Variants in LEMD3 observed in about 807,000 individuals in gnomAD.
LEMD3 encodes the protein LEM domain containing 3.
LEMD3 carries 33 observed loss-of-function variants against 95.2 expected under a neutral mutation model. The ratio of observed to expected loss-of-function variants is 0.35; its 90% CI spans 0.26 to 0.46. The LOEUF is 0.46. Ranked by LOEUF, LEMD3 falls within the 20% of genes least tolerant of loss-of-function variation. The pLI is 1.00. For missense variants in LEMD3, 1,210 were observed against 1,192.8 expected (o/e 1.01, Z -0.21); for synonymous variants, 525 against 474.6 (o/e 1.11, Z -1.38).
intron 1 of LEMD3, among the ~76,000 whole-genome samples, chr12:65,205,502 T>C (rs529260391): frequency 1.3e-5 from 2 of 152,334 alleles, no homozygotes; most frequent in East Asian, 1.9e-4. Context: ...CAGTTTTCTT[T>C]ATAGTCTTAG....
At chr12:65,212,289 G>C (rs1438383429) in intron 2 of LEMD3, among the ~76,000 whole-genome samples, 2 of 152,196 alleles carry the variant, frequency 1.3e-5, no homozygotes, top group African/African-American at 4.8e-5. Flanking sequence ...TTCAAGGTAA[G>C]ATTTGGGTGG....
At chr12:65,177,693 T>A in intron 1 of LEMD3, among the ~76,000 whole-genome samples, 1 of 152,180 alleles carries the variant, frequency 6.6e-6, no homozygotes, top group Non-Finnish European at 1.5e-5. Context: ...CAAGACCAGT[T>A]GTTACAAAGA....
intron 4 of LEMD3, among the ~76,000 whole-genome samples, chr12:65,236,824 G>A (rs941229150): frequency 6.6e-6 from 1 of 151,982 alleles, no homozygotes; most frequent in East Asian, 1.9e-4. Context: ...AAAAAATAGG[G>A]TTTTTTCCAT....
At chr12:65,188,164 T>C (rs1869123684) in intron 1 of LEMD3, among the ~76,000 whole-genome samples, 1 of 151,962 alleles carries the variant, frequency 6.6e-6, no homozygotes, top group African/African-American at 2.4e-5. Context: ...CCAGTTTTTT[T>C]TCCCCCTCCA....
chr12:65,183,048 A>G (rs1226611047), intron 1 of LEMD3, among the ~76,000 whole-genome samples: 1 of 152,214 alleles, frequency 6.6e-6, no homozygotes, highest in Non-Finnish European at 1.5e-5. Flanking sequence ...TACGAAGCAC[A>G]TAATGAAATT....
intron 1 of LEMD3, among the ~76,000 whole-genome samples, chr12:65,192,979 G>A (rs1424163218): frequency 6.6e-6 from 1 of 152,158 alleles, no homozygotes; most frequent in Non-Finnish European, 1.5e-5. Flanking sequence ...GGTAGTCATC[G>A]TGAAAGCAAG....
Position 65,197,231 on chromosome 12 carries a change from T to C in LEMD3, c.1523-13695T>C, listed in dbSNP as rs181334708. Among the ~76,000 whole-genome samples the C allele has an allele frequency of 4.4e-3, 667 of 152,218 alleles. 7 individuals are homozygous for C. The highest frequency in any genetic ancestry group is 0.015 in the African/African-American group (637 of 41,550). On this transcript the variant is annotated intron_variant, in intron 1 of 12. Coordinates refer to ENST00000308330, the MANE Select transcript of LEMD3 (RefSeq NM_014319.5). ...GATTTGTTTTAATAGTAGTCATATT[T>C]CCCATCTCAAGGTGTGGCTGAAGCA...
chr12:65,170,858 C>T lies in LEMD3; in HGVS notation c.1262C>T (p.Ser421Leu). 1 of 1,614,184 alleles carries T rather than the reference C, an allele frequency of 6.2e-7. No homozygotes were observed. The highest frequency in any genetic ancestry group is 2.2e-5 in the East Asian group (1 of 44,884). ...AGTGCGGCGGTGGCCGCCTCTAGTT[C>T]ACTCAGGATCAATCACGCCAATCAT... ...PPSAAVAASSSLRINHANHTG... is the reference protein window; with the variant it reads ...PPSAAVAASSLLRINHANHTG... Residue 421 changes from serine (S) to leucine (L), a missense_variant, in exon 1 of 13, where the codon TCA (serine) becomes TTA (leucine). Around this residue, in one of 2 missense-constraint regions of LEMD3, gnomAD observed 749 missense variants for 622.9 expected, o/e 1.20. Coordinates refer to ENST00000308330, the MANE Select transcript of LEMD3 (RefSeq NM_014319.5).
At chr12:65,241,455 T>C (rs903316316) in intron 9 of LEMD3, among the ~76,000 whole-genome samples, 1 of 151,678 alleles carries the variant, frequency 6.6e-6, no homozygotes, top group Non-Finnish European at 1.5e-5. Context: ...TGTATATAAG[T>C]GAAGTCATAA....
chr12:65,210,779 C>A (rs1869913061), intron 1 of LEMD3, 147 bp from the exon 2 acceptor site: 1 of 748,718 alleles, frequency 1.3e-6, no homozygotes, highest in Non-Finnish European at 2.5e-6. Context: ...ACTTCCCTAA[C>A]CTTTATTATC....
At chr12:65,186,408 A>ATAT (rs1223618250) in intron 1 of LEMD3, among the ~76,000 whole-genome samples, 3 of 152,100 alleles carry the variant, frequency 2.0e-5, no homozygotes, top group African/African-American at 7.2e-5. Context: ...GCTATAAATT[A>ATAT]TATTAATGCC....
At chr12:65,217,414 C>G (rs896537269) in intron 3 of LEMD3, among the ~76,000 whole-genome samples, 1 of 152,160 alleles carries the variant, frequency 6.6e-6, no homozygotes, top group Non-Finnish European at 1.5e-5. Context: ...AATAAACTTT[C>G]AAGACTTGTT....
chr12:65,206,968 A>T (rs565271592), intron 1 of LEMD3, among the ~76,000 whole-genome samples: 9 of 152,134 alleles, frequency 5.9e-5, no homozygotes, highest in Non-Finnish European at 1.2e-4. Context: ...AGACATAAAT[A>T]GGTTTGAATC....
chr12:65,192,373 A>G (rs1592437017), intron 1 of LEMD3, among the ~76,000 whole-genome samples: 1 of 152,142 alleles, frequency 6.6e-6, no homozygotes, highest in African/African-American at 2.4e-5. Context: ...TGAATGCCCT[A>G]TAGGGCACGG....
Position 65,246,393 on chromosome 12 carries a change from C to T in LEMD3, c.*68C>T. 1 of 1,219,102 alleles carries T rather than the reference C, an allele frequency of 8.2e-7. No homozygotes were observed. The highest frequency in any genetic ancestry group is 1.2e-6 in the Non-Finnish European group (1 of 827,056). The allele number at this position is 1,219,102 out of a possible 1,614,324, so 75.5% of individuals were successfully genotyped here. A position where few individuals can be genotyped will look rare whatever the true frequency, so the allele number is the denominator to read the frequency against. On this transcript the variant is annotated 3_prime_UTR_variant, in exon 13 of 13. Coordinates refer to ENST00000308330, the MANE Select transcript of LEMD3 (RefSeq NM_014319.5). ...AAATTCCTGTTTGGCTTTTTGTCTT[C>T]CTTTTTAAATGCTTTTTGTATGTAA...
intron 1 of LEMD3, among the ~76,000 whole-genome samples, chr12:65,185,312 C>T (rs1220094578): frequency 6.6e-6 from 1 of 152,060 alleles, no homozygotes; most frequent in African/African-American, 2.4e-5. Context: ...GTTCTTTATC[C>T]TTAAATGTGT....
rs1185924736 is a variant in LEMD3, at chr12:65,170,603, A to G, written c.1007A>G (p.Glu336Gly). The G allele has an allele frequency of 6.2e-7, 1 of 1,613,956 alleles. No homozygotes were observed. The highest frequency in any genetic ancestry group is 1.3e-5 in the African/African-American group (1 of 74,992). ...CTAGACAGGAGCCGAAACCTCGAAG[A>G]GGCGGCGGCCGCGGAGCAGGGAGGA... ...GSLDRSRNLE[E>G]AAAAEQGGGC... The change falls in exon 1 of 13, where the codon GAG becomes GGG. Residue 336 changes from glutamate to glycine, a missense_variant. Physicochemically the swap from Glu to Gly is moderately conservative, Grantham distance 98. This residue lies in a region of LEMD3 where 749 missense variants were observed against 622.9 expected (regional missense o/e 1.20). Coordinates refer to ENST00000308330, the MANE Select transcript of LEMD3 (RefSeq NM_014319.5).
rs923298507 is a variant in LEMD3, at chr12:65,246,844, C to T, written c.*519C>T. ...TGGAATATGGGAAAATTAATTTGGG[C>T]TTAGTGGTTACAAATATGTGTAAGT... is the stretch of plus-strand genomic sequence containing the variant. On this transcript the variant is annotated 3_prime_UTR_variant, in exon 13 of 13. Transcript: ENST00000308330. 6.3e-6 allele frequency: 1 copy of T among 159,664 alleles called. No homozygotes were observed. Among genetic ancestry groups the T allele is most frequent in the African/African-American group, 2.4e-5 (1 of 41,446 alleles). The allele number at this position is 159,664 out of a possible 1,614,324, so 9.9% of individuals were successfully genotyped here.
intron 8 of LEMD3, 113 bp from the exon 9 acceptor site, chr12:65,240,796 C>G: frequency 1.1e-6 from 1 of 930,308 alleles, no homozygotes; most frequent in Non-Finnish European, 1.7e-6. Flanking sequence ...TTTGAACAAA[C>G]TCCATGAGTA....
Sources: gnomAD v4.1 joint callset for allele counts (sites outside exome capture counted in the v4.1 genomes callset) on GRCh38, gnomAD v4.1.1 for gene constraint, gnomAD v4.1.1 regional missense constraint, MANE v1.5 for transcripts, NCBI Gene and HGNC (gene_info 2026-07-23, HGNC 2026-07-21) for gene names.